The following AFDN variants were observed in gnomAD, a reference collection of about 807,000 sequenced individuals.
AFDN encodes the protein afadin.
A neutral mutation model predicts 216.6 loss-of-function variants in AFDN; 68 were observed. The ratio of observed to expected loss-of-function variants is 0.31; its 90% CI spans 0.26 to 0.38. The LOEUF is 0.38. Ranked by LOEUF, AFDN falls within the 10% of genes least tolerant of loss-of-function variation. The pLI is 1.00. For missense variants in AFDN, 2,136 were observed against 2,342.0 expected (o/e 0.91, Z 1.82); for synonymous variants, 868 against 853.7 (o/e 1.02, Z -0.29).
chr6:167,888,951 TTG>T (rs943002703), intron 6 of AFDN, among the ~76,000 whole-genome samples: 1 of 151,154 alleles, frequency 6.6e-6, no homozygotes, highest in Non-Finnish European at 1.5e-5. Context: ...ATATAAAAAG[TTG>T]TAAAAAAAAA....
chr6:167,966,865 A>G (rs1359806679), intron 32 of AFDN, among the ~76,000 whole-genome samples: 1 of 152,172 alleles, frequency 6.6e-6, no homozygotes, highest in Non-Finnish European at 1.5e-5. Context: ...CCCCCGTTAC[A>G]GGGAAATTCC....
chr6:167,855,406 A>G (rs1448009655), intron 1 of AFDN, among the ~76,000 whole-genome samples: 1 of 152,158 alleles, frequency 6.6e-6, no homozygotes, highest in Non-Finnish European at 1.5e-5. Context: ...TTAATCTTAC[A>G]AAACGAAGTA....
intron 5 of AFDN, among the ~76,000 whole-genome samples, chr6:167,877,703 AC>A (rs1341285520): frequency 6.6e-6 from 1 of 152,170 alleles, no homozygotes; most frequent in Non-Finnish European, 1.5e-5. Context: ...CTTACAGCCT[AC>A]TGCAGCTATC....
rs114419341 is a variant in AFDN at position 167,924,013 on chromosome 6, A to G, written c.3013-992A>G. On this transcript the variant is annotated intron_variant, in intron 22 of 33. Coordinates refer to ENST00000683244, the MANE Select transcript of AFDN (RefSeq NM_001386888.1). ...TCTGTTTACCCAATTTTGTGGAAAA[A>G]CAAGTACCTTCTAGGTAGATTCACT... 7.0e-3 allele frequency among the ~76,000 whole-genome samples: 1,061 copies of G among 152,278 alleles called. 16 individuals carry two copies. Among genetic ancestry groups the G allele is most frequent in the African/African-American group, 0.024 (1,009 of 41,534 alleles).
At chr6:167,964,247 A>G (rs1162707125) in intron 31 of AFDN, 1 of 1,063,844 alleles carries the variant, frequency 9.4e-7, no homozygotes, top group Non-Finnish European at 1.1e-6. Flanking sequence ...TTTGTTATAG[A>G]AAAATGTGCC....
chr6:167,867,540 C>T (rs1420082113), intron 2 of AFDN, among the ~76,000 whole-genome samples: 1 of 151,850 alleles, frequency 6.6e-6, no homozygotes, highest in Non-Finnish European at 1.5e-5. Context: ...CGCGATTCTC[C>T]TGCCTCAGCC....
At chr6:167,835,343 C>A (rs1025088622) in intron 1 of AFDN, among the ~76,000 whole-genome samples, 1 of 152,206 alleles carries the variant, frequency 6.6e-6, no homozygotes, top group African/African-American at 2.4e-5. Flanking sequence ...TGTCAAATAT[C>A]TAAGCCTAAA....
intron 1 of AFDN, 51 bp downstream of exon 1, chr6:167,827,288 G>T (rs1317647369): frequency 2.8e-5 from 22 of 791,758 alleles, no homozygotes; most frequent in Non-Finnish European, 3.4e-5. Flanking sequence ...GCTGCGCCGC[G>T]CCCCGCCCCT....
chr6:167,905,487 TATAGTTGACCTTTG>T (rs1420254916), intron 12 of AFDN, among the ~76,000 whole-genome samples: 1 of 152,208 alleles, frequency 6.6e-6, no homozygotes, highest in African/African-American at 2.4e-5. Context: ...ATCCACAATT[TATAGTTGACCTTTG>T]ATAGTAATGT....
rs145371692 is a variant in AFDN, at chr6:167,845,250, G to A, written c.105+18013G>A. Among the ~76,000 whole-genome samples the A allele has an allele frequency of 3.1e-4, 47 of 152,124 alleles. No individual in the cohort carries two copies. In the East Asian group the frequency reaches 7.5e-3, roughly 24 times the overall value. ...CTGTCAAGAAATTTGTTTTATTCTCGTCAATTTTTATGGAAAATCCTTTTT... is the reference window on the plus strand; with the variant it reads ...CTGTCAAGAAATTTGTTTTATTCTCATCAATTTTTATGGAAAATCCTTTTT... On this transcript the variant is annotated intron_variant, in intron 1 of 33. Transcript: ENST00000683244.
chr6:167,839,579 TAAG>T (rs1780821117), intron 1 of AFDN, among the ~76,000 whole-genome samples: 1 of 152,148 alleles, frequency 6.6e-6, no homozygotes, highest in Non-Finnish European at 1.5e-5. Context: ...TGCTGTGCCT[TAAG>T]AAGAGGGAGC....
intron 6 of AFDN, among the ~76,000 whole-genome samples, chr6:167,888,373 A>C (rs573761908): frequency 1.3e-5 from 2 of 152,312 alleles, no homozygotes; most frequent in Admixed American, 1.3e-4. Context: ...TCATTACATT[A>C]ATTACAGGTT....
chr6:167,968,562 G>A (rs1435409374), intron 32 of AFDN: 1 of 153,202 alleles, frequency 6.5e-6, no homozygotes, highest in African/African-American at 2.4e-5. Flanking sequence ...TATTACTGCA[G>A]CCTGTATTAC....
chr6:167,880,109 TGAAGAGA>T (rs1185079970), intron 5 of AFDN, among the ~76,000 whole-genome samples: 1 of 152,176 alleles, frequency 6.6e-6, no homozygotes, highest in Admixed American at 6.5e-5. Context: ...TCCTTTAGCT[TGAAGAGA>T]GAAGATGAAA....
At chr6:167,920,980 G>A (rs989763230) in intron 21 of AFDN, among the ~76,000 whole-genome samples, 6 of 152,154 alleles carry the variant, frequency 3.9e-5, no homozygotes, top group African/African-American at 1.2e-4. Context: ...AACGCGTGCC[G>A]CTGTCTGTCC....
At chr6:167,932,539 G>A (rs999268385) in intron 23 of AFDN, 7 of 152,170 alleles carry the variant, frequency 4.6e-5, no homozygotes, top group African/African-American at 9.7e-5. Context: ...GACTGGTTAC[G>A]TAAGAGCCTG....
At chr6:167,863,750 C>T (rs1227476938) in intron 1 of AFDN, 1 of 518,184 alleles carries the variant, frequency 1.9e-6, no homozygotes, top group South Asian at 1.4e-5. Context: ...GTAGATGATA[C>T]CTGTGGAGGG....
At chr6:167,954,084 C>T (rs1218659875) in intron 30 of AFDN, among the ~76,000 whole-genome samples, 1 of 152,142 alleles carries the variant, frequency 6.6e-6, no homozygotes, top group Non-Finnish European at 1.5e-5. Flanking sequence ...CTGAATATTT[C>T]AAAGCCTTTT....
At chr6:167,914,528 T>G (rs1298490948) in intron 17 of AFDN, 116 bp from the exon 18 acceptor site, 1 of 282,106 alleles carries the variant, frequency 3.5e-6, no homozygotes, top group African/African-American at 2.7e-5. Context: ...AGATTCCACA[T>G]TTTTTTTTTA....
Sources: gnomAD v4.1 joint callset for allele counts (sites outside exome capture counted in the v4.1 genomes callset) on GRCh38, gnomAD v4.1.1 for gene constraint, MANE v1.5 for transcripts, NCBI Gene and HGNC (gene_info 2026-07-23, HGNC 2026-07-21) for gene names.